The following PCMT1 variants were observed in gnomAD, a reference collection of about 807,000 sequenced individuals.
PCMT1 encodes protein-L-isoaspartate (D-aspartate) O-methyltransferase.
A neutral mutation model predicts 29.2 loss-of-function variants in PCMT1; 9 were observed. The ratio of observed to expected loss-of-function variants is 0.31; its 90% CI spans 0.19 to 0.54. PCMT1 has a LOEUF of 0.54. Among genes scored for constraint, PCMT1 ranks in the 20% least tolerant of loss-of-function variants. PCMT1 has a pLI of 0.95. For missense variants in PCMT1, 184 were observed against 282.2 expected, an observed-to-expected ratio of 0.65 and a Z score of 2.49; for synonymous variants, 98 against 97.5, an observed-to-expected ratio of 1.00 and a Z score of -0.03.
Position 149,788,062 on chromosome 6 carries a change from C to T in PCMT1, c.193-1892C>T, listed in dbSNP as rs575746658. 6.5e-4 allele frequency among the ~76,000 whole-genome samples: 99 copies of T among 152,118 alleles called. No homozygotes were observed. In the South Asian group the frequency reaches 0.013, roughly 21 times the overall value. ...CCTCCCAAGTAACTGGGACTACAGG[C>T]GCCCACCACCACGCCCAGCTAATTT... On this transcript the variant is annotated intron_variant, in intron 3 of 7. Transcript: ENST00000464889.
intron 5 of PCMT1, among the ~76,000 whole-genome samples, chr6:149,794,314 G>A (rs1167538773): frequency 6.6e-6 from 1 of 152,078 alleles, no homozygotes; most frequent in African/African-American, 2.4e-5. Context: ...GACACACTCA[G>A]TTTTGTTTAA....
chr6:149,785,124 C>T (rs1427122286), intron 3 of PCMT1, among the ~76,000 whole-genome samples: 1 of 150,054 alleles, frequency 6.7e-6, no homozygotes, highest in Non-Finnish European at 1.5e-5. Context: ...TATAGAATTT[C>T]CCATATTCTG....
At chr6:149,806,836 C>G (rs528949689) in intron 7 of PCMT1, among the ~76,000 whole-genome samples, 1 of 152,280 alleles carries the variant, frequency 6.6e-6, no homozygotes, top group Admixed American at 6.5e-5. Context: ...AAGCGTTCCA[C>G]CCACCTCAGC....
At chr6:149,804,599 C>T (rs1422552157) in intron 7 of PCMT1, among the ~76,000 whole-genome samples, 2 of 151,966 alleles carry the variant, frequency 1.3e-5, no homozygotes. Context: ...CTACAACCTC[C>T]GTCTCCCAGG....
chr6:149,750,134 T>C, intron 1 of PCMT1, 178 bp downstream of exon 1: 1 of 849,044 alleles, frequency 1.2e-6, no homozygotes, highest in South Asian at 1.9e-5. Context: ...TCGGGACCTG[T>C]CACTCGTCGA....
At chr6:149,793,763 ATT>A in intron 5 of PCMT1, 94 bp downstream of exon 5, 2 of 1,090,596 alleles carry the variant, frequency 1.8e-6, no homozygotes, top group Non-Finnish European at 2.5e-6. Context: ...TAATTATTGT[ATT>A]TTTTTTTACA....
Position 149,785,775 on chromosome 6 carries a change from A to G in PCMT1, c.193-4179A>G, listed in dbSNP as rs944600349. Reference sequence around the variant, plus strand: ...AAGGCAGAAGAATTTTTCTTAGTACAGAACAAAATGAAAAGTCTCCCATGT... The same window carrying G: ...AAGGCAGAAGAATTTTTCTTAGTACGGAACAAAATGAAAAGTCTCCCATGT... On this transcript the variant is annotated intron_variant, in intron 3 of 7. Coordinates refer to ENST00000464889, the MANE Select transcript of PCMT1 (RefSeq NM_001360452.2). Among the ~76,000 whole-genome samples the G allele has an allele frequency of 3.3e-5, 5 of 152,058 alleles. No individual in the cohort carries two copies. In the South Asian group the frequency reaches 1.0e-3, roughly 32 times the overall value.
rs1460852365 is a variant in PCMT1, at chr6:149,762,847, G to GATATATATGAT, written c.56-8307_56-8306insGATATATATAT. 7.9e-5 allele frequency among the ~76,000 whole-genome samples: 3 copies of GATATATATGAT among 37,802 alleles called. 1 individual carries two copies. The highest frequency in any genetic ancestry group is 1.1e-4 in the Non-Finnish European group (3 of 27,574). The allele number at this position is 37,802 out of a possible 152,430, so 24.8% of individuals were successfully genotyped here. A position where few individuals can be genotyped will look rare whatever the true frequency, so the allele number is the denominator to read the frequency against. On this transcript the variant is annotated intron_variant, in intron 1 of 7. Transcript: ENST00000464889. ...TGATATATATGATATATATATCTATGATATATATCTATGATATATATATCT... is the reference window on the plus strand; with the variant it reads ...TGATATATATGATATATATATCTATGATATATATGATATATATATCTATGATATATATATCT...
At chr6:149,752,652 C>T (rs188603620) in intron 1 of PCMT1, among the ~76,000 whole-genome samples, 8 of 152,286 alleles carry the variant, frequency 5.3e-5, no homozygotes, top group Non-Finnish European at 8.8e-5. Flanking sequence ...ATATTTTTTA[C>T]GAAATCCCTT....
chr6:149,794,596 G>C (rs1318239834), intron 5 of PCMT1, among the ~76,000 whole-genome samples: 1 of 152,068 alleles, frequency 6.6e-6, no homozygotes, highest in Admixed American at 6.5e-5. Flanking sequence ...ACAGTCTGGC[G>C]ACAGAGCTAG....
chr6:149,777,399 T>C (rs2115269280), intron 3 of PCMT1, among the ~76,000 whole-genome samples: 1 of 152,344 alleles, frequency 6.6e-6, no homozygotes, highest in African/African-American at 2.4e-5. Flanking sequence ...CGAGAAATCA[T>C]ATGTTGAACC....
intron 1 of PCMT1, among the ~76,000 whole-genome samples, chr6:149,751,936 G>T (rs943518333): frequency 1.3e-4 from 20 of 151,290 alleles, no homozygotes; most frequent in African/African-American, 4.6e-4. Flanking sequence ...GCAGTGGTGT[G>T]AGCTCGGCTC....
At chr6:149,810,537 G>A in intron 7 of PCMT1, 79 bp from the exon 8 acceptor site, 1 of 1,003,752 alleles carries the variant, frequency 1.0e-6, no homozygotes, top group Non-Finnish European at 1.5e-6. Context: ...TGACTTAATA[G>A]TTGTGTCTAA....
chr6:149,751,898 A>G (rs1047338674), intron 1 of PCMT1, among the ~76,000 whole-genome samples: 1 of 151,276 alleles, frequency 6.6e-6, no homozygotes, highest in South Asian at 2.1e-4. Context: ...TTTTTTAGAC[A>G]GGGTTTCACT....
At chr6:149,800,789 C>T (rs1775803913) in intron 6 of PCMT1, among the ~76,000 whole-genome samples, 1 of 152,082 alleles carries the variant, frequency 6.6e-6, no homozygotes, top group Admixed American at 6.6e-5. Context: ...ATAGGGATTC[C>T]TTGCTGATTT....
chr6:149,773,519 C>T (rs9765965), intron 3 of PCMT1, among the ~76,000 whole-genome samples: 81,242 of 152,022 alleles, frequency 0.53, 24,942 homozygotes, highest in East Asian at 0.83. Context: ...GCTGGGACTA[C>T]AGGTGCCCAC....
At chr6:149,796,240 C>T in intron 5 of PCMT1, 175 bp from the exon 6 acceptor site, 1 of 433,532 alleles carries the variant, frequency 2.3e-6, no homozygotes, top group Non-Finnish European at 4.1e-6. Context: ...TGTTTCTGAC[C>T]AAACAAAAAA....
intron 1 of PCMT1, among the ~76,000 whole-genome samples, chr6:149,768,870 G>A (rs554788357): frequency 2.2e-4 from 34 of 151,966 alleles, no homozygotes; most frequent in Non-Finnish European, 4.7e-4. Flanking sequence ...CAAGTGATCC[G>A]CCTACCTCAG....
chr6:149,770,222 G>A (rs1787254965), intron 1 of PCMT1, among the ~76,000 whole-genome samples: 1 of 152,150 alleles, frequency 6.6e-6, no homozygotes, highest in Non-Finnish European at 1.5e-5. Context: ...AATATCTCCA[G>A]TTGTATGATC....
Sources: gnomAD v4.1 joint callset for allele counts (sites outside exome capture counted in the v4.1 genomes callset) on GRCh38, gnomAD v4.1.1 for gene constraint, MANE v1.5 for transcripts, NCBI Gene and HGNC (gene_info 2026-07-23, HGNC 2026-07-21) for gene names.